Variants in CDH13 observed in about 807,000 individuals in gnomAD.
CDH13 encodes the protein cadherin-13.
Under a neutral mutation model 63.8 loss-of-function variants are expected in CDH13, and 24 were observed. The observed-to-expected ratio is 0.38, with a 90% CI of 0.27 to 0.53. The LOEUF is 0.53. CDH13 is among the 20% of genes least tolerant of loss of function. The pLI, the probability that CDH13 is intolerant of heterozygous loss-of-function variation, is 0.85. For synonymous variants in CDH13, 503 were observed against 355.3 expected, an observed-to-expected ratio of 1.42 and a Z score of -4.67; for missense variants, 1,049 against 903.1, an observed-to-expected ratio of 1.16 and a Z score of -2.07.
At chr16:83,594,567 A>C (rs1009246409) in intron 7 of CDH13, among the ~76,000 whole-genome samples, 3 of 152,250 alleles carry the variant, frequency 2.0e-5, no homozygotes, top group African/African-American at 7.2e-5. Flanking sequence ...GAGGTGAAAC[A>C]TTCGATATGG....
At chr16:82,976,042 C>T (rs1045033567) in intron 2 of CDH13, among the ~76,000 whole-genome samples, 5 of 152,198 alleles carry the variant, frequency 3.3e-5, no homozygotes, top group African/African-American at 4.8e-5. Flanking sequence ...GAGATGAAAG[C>T]CCCTGGTCAG....
At chr16:82,896,832 G>C (rs538192716) in intron 2 of CDH13, among the ~76,000 whole-genome samples, 266 of 128,184 alleles carry the variant, frequency 2.1e-3, no homozygotes, top group African/African-American at 7.7e-3. Context: ...CCAGGCTGGA[G>C]TGTAGTGGTG....
In CDH13 at chr16:83,217,350, C is replaced by A; in HGVS notation, c.489C>A (p.Val163=). The A allele has an allele frequency of 6.2e-7, 1 of 1,613,702 alleles. No homozygotes were observed. The change falls in exon 5 of 14, where the codon GTC becomes GTA. Residue 163 remains valine, a synonymous_variant. Coordinates refer to ENST00000567109, the MANE Select transcript of CDH13 (RefSeq NM_001257.5). ...CTCTCTGTTTTTCTGACTAGGTAGT[C>A]GATAGTGACAGGCCAGAAAGGTCCA... ...QPFPRDVGKV[V]DSDRPERSKF...
intron 10 of CDH13, among the ~76,000 whole-genome samples, chr16:83,678,754 C>G (rs569487730): frequency 6.6e-6 from 1 of 152,120 alleles, no homozygotes; most frequent in Non-Finnish European, 1.5e-5. Context: ...AGTCCTTGAA[C>G]GGAGAGAGAA....
intron 2 of CDH13, among the ~76,000 whole-genome samples, chr16:83,006,391 C>A (rs1227237553): frequency 1.3e-5 from 2 of 152,244 alleles, no homozygotes; most frequent in Admixed American, 6.5e-5. Context: ...ATGGTTTTGA[C>A]TAACACAACT....
intron 2 of CDH13, among the ~76,000 whole-genome samples, chr16:82,892,822 C>G (rs929542468): frequency 1.4e-4 from 21 of 151,734 alleles, no homozygotes; most frequent in African/African-American, 4.8e-4. Flanking sequence ...ATCTTGTAAC[C>G]CTTTAGTTGT....
At chr16:83,128,467 C>G (rs1043234934) in intron 4 of CDH13, among the ~76,000 whole-genome samples, 5 of 152,206 alleles carry the variant, frequency 3.3e-5, no homozygotes, top group African/African-American at 9.7e-5. Flanking sequence ...ACCTGAAATG[C>G]ACTTTCTCCT....
At chr16:83,708,130 C>T (rs761417849) in intron 10 of CDH13, among the ~76,000 whole-genome samples, 34 of 152,168 alleles carry the variant, frequency 2.2e-4, no homozygotes, top group Admixed American at 6.5e-5. Flanking sequence ...AAGTGCAAGA[C>T]TCACCACCCA....
intron 1 of CDH13, among the ~76,000 whole-genome samples, chr16:82,814,329 C>G (rs1039512797): frequency 6.6e-6 from 1 of 152,096 alleles, no homozygotes; most frequent in Non-Finnish European, 1.5e-5. Flanking sequence ...TGGATACCCC[C>G]AGGATGGGTG....
intron 1 of CDH13, among the ~76,000 whole-genome samples, chr16:82,667,888 C>G (rs1170240043): frequency 6.6e-6 from 1 of 152,138 alleles, no homozygotes; most frequent in Non-Finnish European, 1.5e-5. Context: ...TCAAAGCTGT[C>G]TCAAAATGAG....
intron 4 of CDH13, among the ~76,000 whole-genome samples, chr16:83,185,851 A>G (rs8046494): frequency 0.099 from 15,087 of 152,130 alleles, 818 homozygotes; most frequent in South Asian, 0.15. Context: ...CATTTGAAAC[A>G]TTTTTTACTG....
chr16:82,989,699 T>G (rs928877841), intron 2 of CDH13, among the ~76,000 whole-genome samples: 2 of 152,216 alleles, frequency 1.3e-5, no homozygotes, highest in African/African-American at 4.8e-5. Flanking sequence ...GGGTATTGCC[T>G]GCTTCTGTTC....
At chr16:83,459,511 A>C (rs1054743300) in intron 6 of CDH13, among the ~76,000 whole-genome samples, 2 of 152,242 alleles carry the variant, frequency 1.3e-5, no homozygotes, top group Non-Finnish European at 2.9e-5. Flanking sequence ...GGGTGAAACT[A>C]AAAACTTTTT....
At chr16:83,004,008 A>G (rs1913214568) in intron 2 of CDH13, among the ~76,000 whole-genome samples, 1 of 152,212 alleles carries the variant, frequency 6.6e-6, no homozygotes, top group South Asian at 2.1e-4. Flanking sequence ...AGACAATCGA[A>G]TGTGTCAGAC....
chr16:83,299,048 G>A (rs1415551304), intron 5 of CDH13, among the ~76,000 whole-genome samples: 5 of 152,108 alleles, frequency 3.3e-5, no homozygotes, highest in African/African-American at 9.7e-5. Context: ...GATAAGCAAT[G>A]TCAGTATATC....
intron 4 of CDH13, among the ~76,000 whole-genome samples, chr16:83,176,886 A>G (rs549344624): frequency 6.6e-6 from 1 of 152,210 alleles, no homozygotes; most frequent in East Asian, 1.9e-4. Context: ...TTCCTCTCCC[A>G]TCAGCCTGAG....
intron 2 of CDH13, among the ~76,000 whole-genome samples, chr16:82,976,797 C>T (rs942313998): frequency 1.3e-5 from 2 of 152,160 alleles, no homozygotes; most frequent in Non-Finnish European, 2.9e-5. Context: ...CATTATTCTG[C>T]CTGGAACTCA....
chr16:83,253,641 G>A (rs916075306), intron 5 of CDH13, among the ~76,000 whole-genome samples: 1 of 152,294 alleles, frequency 6.6e-6, no homozygotes, highest in East Asian at 1.9e-4. Flanking sequence ...TTTGCTAGGG[G>A]TTGACAGAGC....
intron 6 of CDH13, among the ~76,000 whole-genome samples, chr16:83,399,154 A>G (rs568267899): frequency 6.6e-6 from 1 of 152,366 alleles, no homozygotes; most frequent in South Asian, 2.1e-4. Context: ...AGAACAGTTA[A>G]TTCTGGACTC....
Sources: allele counts gnomAD v4.1 joint callset (sites outside exome capture counted in the v4.1 genomes callset), GRCh38; gene constraint gnomAD v4.1.1; transcripts MANE v1.5; gene names NCBI Gene and HGNC (gene_info 2026-07-23, HGNC 2026-07-21).